Variants in TRPC4 observed in about 807,000 individuals in gnomAD.
TRPC4 encodes the protein short transient receptor potential channel 4.
TRPC4 carries 49 observed loss-of-function variants against 99.4 expected under a neutral mutation model. That is an observed-to-expected ratio of 0.49 (90% CI 0.39 to 0.63). TRPC4 has a LOEUF of 0.63. TRPC4 is among the 20% of genes least tolerant of loss of function. The pLI is 0.00. For missense variants in TRPC4, 898 were observed against 1,152.9 expected (o/e 0.78, Z 3.20); for synonymous variants, 454 against 425.9 (o/e 1.07, Z -0.81).
At position 37,857,057 on chromosome 13, in the gene TRPC4, T is replaced by C. The variant is rs188236265; in HGVS notation, c.-28+12538A>G. Among the ~76,000 whole-genome samples the C allele has an allele frequency of 2.2e-4, 33 of 151,390 alleles. No individual in the cohort carries two copies. In the East Asian group the frequency reaches 5.4e-3, roughly 25 times the overall value. ...AGATTCCACCATAAAACTATTAGAATTGATAAACAAATTCAATAAACTTGC... is the reference window on the plus strand; with the variant it reads ...AGATTCCACCATAAAACTATTAGAACTGATAAACAAATTCAATAAACTTGC... On this transcript the variant is annotated intron_variant, in intron 1 of 10. Transcript: ENST00000379705.
chr13:37,767,337 C>CAT lies in TRPC4; in HGVS notation c.378+15617_378+15618dup, dbSNP rs35539836. ...ACACTCCCCAGAGATATAGATTCAG[C>CAT]ATATATATATATATATATCTATATA... On this transcript the variant is annotated intron_variant, in intron 2 of 10. Coordinates refer to ENST00000379705, the MANE Select transcript of TRPC4 (RefSeq NM_016179.4). Among the ~76,000 whole-genome samples the CAT allele has an allele frequency of 5.7e-4, 85 of 147,858 alleles. 1 individual carries two copies. Among genetic ancestry groups the CAT allele is most frequent in the Middle Eastern group, 3.5e-3 (1 of 286 alleles).
At chr13:37,746,878 C>T (rs1955801981) in intron 2 of TRPC4, among the ~76,000 whole-genome samples, 2 of 152,134 alleles carry the variant, frequency 1.3e-5, no homozygotes, top group African/African-American at 4.8e-5. Flanking sequence ...AGCTCTTTCT[C>T]TGCAGTAGAA....
At chr13:37,739,236 G>A (rs1036196778) in intron 3 of TRPC4, among the ~76,000 whole-genome samples, 1 of 152,136 alleles carries the variant, frequency 6.6e-6, no homozygotes, top group Non-Finnish European at 1.5e-5. Flanking sequence ...TGGAGGACAT[G>A]AATCTTTTCA....
At chr13:37,707,213 A>G (rs1261307705) in intron 3 of TRPC4, among the ~76,000 whole-genome samples, 2 of 152,334 alleles carry the variant, frequency 1.3e-5, no homozygotes, top group East Asian at 3.9e-4. Context: ...TTCACTACTC[A>G]TATAAAATTT....
At chr13:37,782,905 A>G in intron 2 of TRPC4, 51 bp downstream of exon 2, 2 of 1,421,088 alleles carry the variant, frequency 1.4e-6, no homozygotes, top group Non-Finnish European at 1.8e-6. Flanking sequence ...AAGAAAAAAC[A>G]AAAAACCTTC....
At chr13:37,853,198 C>T (rs1346926681) in intron 1 of TRPC4, among the ~76,000 whole-genome samples, 3 of 152,308 alleles carry the variant, frequency 2.0e-5, no homozygotes, top group Middle Eastern at 3.4e-3. Flanking sequence ...TCTAGTGCTG[C>T]TGGCCACAGA....
chr13:37,638,007 T>C (rs1951586893), intron 10 of TRPC4, among the ~76,000 whole-genome samples: 1 of 152,110 alleles, frequency 6.6e-6, no homozygotes, highest in South Asian at 2.1e-4. Flanking sequence ...TATTGGCCCA[T>C]TTTTCTGTCC....
Position 37,681,854 on chromosome 13 carries a change from T to C in TRPC4, c.1235-7487A>G, listed in dbSNP as rs565387029. 6.6e-5 allele frequency among the ~76,000 whole-genome samples: 10 copies of C among 152,334 alleles called. No homozygotes were observed. The South Asian group carries it at 1.9e-3, about 28-fold the overall frequency. On this transcript the variant is annotated intron_variant, in intron 4 of 10. Coordinates refer to ENST00000379705, the MANE Select transcript of TRPC4 (RefSeq NM_016179.4). ...TAATTACAAGCATTGATGTCAAGAC[T>C]GTGGGGACCAACAAAGGAAAGATCA...
intron 1 of TRPC4, among the ~76,000 whole-genome samples, chr13:37,851,553 A>T (rs1345296260): frequency 6.6e-6 from 1 of 152,214 alleles, no homozygotes; most frequent in East Asian, 1.9e-4. Context: ...GAAATTATTA[A>T]TTCAATAAAT....
rs752272916 is a variant in TRPC4 at position 37,783,110 on chromosome 13, A to T, written c.224T>A (p.Leu75His). The T allele has an allele frequency of 1.9e-6, 3 of 1,613,472 alleles. No individual in the cohort carries two copies. Among genetic ancestry groups the T allele is most frequent in the East Asian group, 4.5e-5 (2 of 44,764 alleles). ...CAAGTTCTCATTTTCAATTGCAATG[A>T]GGAGAGCAGTTCTTCCGAGAGGATC... is the stretch of plus-strand genomic sequence containing the variant. ...CIDPLGRTALLIAIENENLEL... is the reference protein window; with the variant it reads ...CIDPLGRTALHIAIENENLEL... Residue 75 changes from leucine to histidine, a missense_variant, in exon 2 of 11, where the codon CTC (leucine) becomes CAC (histidine). Transcript: ENST00000379705.
At chr13:37,799,077 G>A (rs1957328946) in intron 1 of TRPC4, among the ~76,000 whole-genome samples, 1 of 151,776 alleles carries the variant, frequency 6.6e-6, no homozygotes, top group Admixed American at 6.6e-5. Flanking sequence ...GACTAAAGGT[G>A]CCCACCGCCT....
intron 3 of TRPC4, among the ~76,000 whole-genome samples, chr13:37,741,468 A>G (rs761030014): frequency 2.0e-5 from 3 of 152,182 alleles, no homozygotes; most frequent in Non-Finnish European, 2.9e-5. Flanking sequence ...CTTTGTTATT[A>G]TTCATTTAGA....
chr13:37,813,160 TA>T (rs1957752333), intron 1 of TRPC4, among the ~76,000 whole-genome samples: 1 of 151,784 alleles, frequency 6.6e-6, no homozygotes, highest in Non-Finnish European at 1.5e-5. Flanking sequence ...AAATAATCAA[TA>T]AATCAAAGAA....
At chr13:37,766,413 C>G (rs61955545) in intron 2 of TRPC4, among the ~76,000 whole-genome samples, 33,004 of 146,552 alleles carry the variant, frequency 0.23, 4,652 homozygotes, top group East Asian at 0.56. Context: ...CAAATCTATG[C>G]TAAACCGGGA....
chr13:37,740,804 A>AT (rs536029881), intron 3 of TRPC4, among the ~76,000 whole-genome samples: 189 of 152,272 alleles, frequency 1.2e-3, no homozygotes, highest in Middle Eastern at 6.8e-3. Context: ...TTTTGAATCA[A>AT]TTTAGTTTAC....
At chr13:37,862,377 T>C (rs887548595) in intron 1 of TRPC4, among the ~76,000 whole-genome samples, 26 of 151,550 alleles carry the variant, frequency 1.7e-4, no homozygotes, top group Non-Finnish European at 3.4e-4. Context: ...AATATCTATG[T>C]ATAAAAGGAA....
intron 3 of TRPC4, among the ~76,000 whole-genome samples, chr13:37,733,952 T>C (rs1026476596): frequency 6.6e-6 from 1 of 152,114 alleles, no homozygotes; most frequent in African/African-American, 2.4e-5. Flanking sequence ...GATCAAGTGT[T>C]CTGGAAGTCT....
chr13:37,747,847 G>A (rs964727906), intron 2 of TRPC4, among the ~76,000 whole-genome samples: 1 of 152,116 alleles, frequency 6.6e-6, no homozygotes, highest in African/African-American at 2.4e-5. Context: ...GAGTACTAGG[G>A]TGACCACACT....
chr13:37,800,750 T>C (rs1043797644), intron 1 of TRPC4, among the ~76,000 whole-genome samples: 1 of 151,810 alleles, frequency 6.6e-6, no homozygotes, highest in Non-Finnish European at 1.5e-5. Flanking sequence ...TAAATAAAAA[T>C]AATAGCTAAA....
Sources: allele counts gnomAD v4.1 joint callset (sites outside exome capture counted in the v4.1 genomes callset), GRCh38; gene constraint gnomAD v4.1.1; transcripts MANE v1.5; gene names NCBI Gene and HGNC (gene_info 2026-07-23, HGNC 2026-07-21).